PRELID2: variants seen among roughly 807,000 people sequenced by gnomAD.
PRELID2 encodes the protein PRELI domain containing 2, also known as PRELI domain-containing protein 2.
In PRELID2, 25 loss-of-function variants were observed where a neutral mutation model predicts 28.4. The observed-to-expected ratio is 0.88, with a 90% CI of 0.64 to 1.23. The LOEUF (loss-of-function observed/expected upper bound fraction) is 1.23. Among genes scored for constraint, PRELID2 ranks in the 50% most tolerant of loss-of-function variants. The probability of loss-of-function intolerance (pLI) is 0.00; values close to 1 mark genes in which losing one functional copy is unlikely to be tolerated. For synonymous variants in PRELID2, 76 were observed against 71.6 expected (o/e 1.06, Z -0.31); for missense variants, 201 against 214.4 (o/e 0.94, Z 0.39).
At chr5:145,742,606 TAGAA>T (rs777001065) in intron 1 of PRELID2, among the ~76,000 whole-genome samples, 6 of 147,282 alleles carry the variant, frequency 4.1e-5, no homozygotes, top group African/African-American at 1.2e-4. Flanking sequence ...TTAAAGCAGT[TAGAA>T]AGAGAATTTA....
chr5:145,401,526 T>A, the PRELID2 span, among the ~76,000 whole-genome samples: 2 of 152,236 alleles, frequency 1.3e-5, no homozygotes, highest in African/African-American at 4.8e-5. Flanking sequence ...ATGATGAAGA[T>A]TTTTCCTTTA....
the PRELID2 span, among the ~76,000 whole-genome samples, chr5:145,359,406 A>G: frequency 1.3e-5 from 2 of 152,166 alleles, no homozygotes; most frequent in African/African-American, 4.8e-5. Context: ...GGCTGCAGGA[A>G]ATGAGATTGG....
the PRELID2 span, among the ~76,000 whole-genome samples, chr5:145,265,821 C>A: frequency 2.6e-5 from 4 of 152,100 alleles, no homozygotes; most frequent in South Asian, 8.3e-4. Context: ...CAAGATAGAT[C>A]AAGGACTTAA....
At chr5:145,254,216 A>G in the PRELID2 span, among the ~76,000 whole-genome samples, 1 of 152,204 alleles carries the variant, frequency 6.6e-6, no homozygotes, top group Admixed American at 6.6e-5. Flanking sequence ...TATTTCTACT[A>G]TGACATGCCT....
chr5:145,817,195 AAAAATAAATAAATAAAT>A (rs1227105927), intron 4 of PRELID2, among the ~76,000 whole-genome samples: 10 of 91,872 alleles, frequency 1.1e-4, no homozygotes, highest in East Asian at 5.2e-4. Context: ...CATTTCAAAA[AAAAATAAATAAATAAAT>A]AAAAAAAAAT....
At chr5:145,491,878 T>C (rs1319406608) in intron 1 of PRELID2, among the ~76,000 whole-genome samples, 1 of 152,202 alleles carries the variant, frequency 6.6e-6, no homozygotes, top group Non-Finnish European at 1.5e-5. Flanking sequence ...ACAGGCTTTC[T>C]TTCTTTTTAA....
intron 5 of PRELID2, among the ~76,000 whole-genome samples, chr5:145,783,845 T>G (rs1343393959): frequency 2.0e-5 from 3 of 152,216 alleles, no homozygotes; most frequent in African/African-American, 7.2e-5. Context: ...TCTTTTCCTC[T>G]GTCTTGGAAT....
the PRELID2 span, among the ~76,000 whole-genome samples, chr5:145,452,378 T>C: frequency 6.6e-6 from 1 of 152,310 alleles, no homozygotes; most frequent in South Asian, 2.1e-4. Flanking sequence ...CATTGCACTG[T>C]CTCTTCTCCA....
At chr5:145,464,376 A>C in the PRELID2 span, among the ~76,000 whole-genome samples, 9 of 152,218 alleles carry the variant, frequency 5.9e-5, no homozygotes, top group Non-Finnish European at 1.2e-4. Flanking sequence ...TAGAAAGTTA[A>C]TTATTGATAT....
chr5:145,470,239 G>T (rs1752041678), downstream of PRELID2, among the ~76,000 whole-genome samples: 1 of 152,030 alleles, frequency 6.6e-6, no homozygotes, highest in Admixed American at 6.6e-5. Flanking sequence ...AGAAGCCATA[G>T]ACAATATATA....
the PRELID2 span, among the ~76,000 whole-genome samples, chr5:145,387,862 G>A: frequency 1.8e-4 from 28 of 151,402 alleles, no homozygotes; most frequent in African/African-American, 6.5e-4. Context: ...AGCCTGGGAG[G>A]TTGCAGTAAG....
At chr5:145,597,228 T>C (rs1371764823) in intron 1 of PRELID2, among the ~76,000 whole-genome samples, 1 of 152,210 alleles carries the variant, frequency 6.6e-6, no homozygotes, top group African/African-American at 2.4e-5. Context: ...AATTATCCTA[T>C]GTATTAGCAA....
At chr5:145,487,939 A>C (rs1752232482) in intron 1 of PRELID2, among the ~76,000 whole-genome samples, 1 of 151,864 alleles carries the variant, frequency 6.6e-6, no homozygotes, top group African/African-American at 2.4e-5. Context: ...CCTGGCTAAC[A>C]GGGTGAAAAC....
the PRELID2 span, among the ~76,000 whole-genome samples, chr5:145,449,111 T>C: frequency 6.6e-6 from 1 of 152,072 alleles, no homozygotes; most frequent in Admixed American, 6.6e-5. Context: ...CAGCAACCCC[T>C]CCAAAATGAC....
At chr5:145,555,216 T>A (rs1752869852) in intron 1 of PRELID2, among the ~76,000 whole-genome samples, 1 of 152,182 alleles carries the variant, frequency 6.6e-6, no homozygotes, top group African/African-American at 2.4e-5. Context: ...TTGTATCAAA[T>A]TTAGGTTAGG....
the PRELID2 span, among the ~76,000 whole-genome samples, chr5:145,429,580 C>T: frequency 2.6e-5 from 4 of 152,070 alleles, no homozygotes; most frequent in Non-Finnish European, 5.9e-5. Flanking sequence ...GATGAGATTA[C>T]GTAGGTAGGT....
intron 1 of PRELID2, among the ~76,000 whole-genome samples, chr5:145,669,185 T>C (rs1456094546): frequency 1.3e-5 from 2 of 152,098 alleles, no homozygotes; most frequent in Admixed American, 6.6e-5. Flanking sequence ...TGAAAAAATA[T>C]TGGTTTCAGA....
At chr5:145,431,017 T>G in the PRELID2 span, among the ~76,000 whole-genome samples, 46 of 145,744 alleles carry the variant, frequency 3.2e-4, no homozygotes, top group African/African-American at 1.1e-3. Context: ...TTTTTTTTTT[T>G]TTTTTTTTTT....
At chr5:145,441,910 C>T in the PRELID2 span, among the ~76,000 whole-genome samples, 7 of 152,172 alleles carry the variant, frequency 4.6e-5, no homozygotes, top group East Asian at 5.8e-4. Flanking sequence ...TTGCATAATG[C>T]GATTCAGACA....
Sources: allele counts gnomAD v4.1 joint callset (sites outside exome capture counted in the v4.1 genomes callset), GRCh38; gene constraint gnomAD v4.1.1; transcripts MANE v1.5; gene names NCBI Gene and HGNC (gene_info 2026-07-23, HGNC 2026-07-21).